The following METRNL variants were observed in gnomAD, a reference collection of about 807,000 sequenced individuals.
METRNL encodes meteorin-like protein.
In METRNL, 9 loss-of-function variants were observed where a neutral mutation model predicts 17.4. That is an observed-to-expected ratio of 0.52 (90% CI 0.31 to 0.90). The LOEUF (loss-of-function observed/expected upper bound fraction) is 0.90, where lower values mean the gene tolerates loss of function less well. Among genes scored for constraint, METRNL ranks in the 40% least tolerant of loss-of-function variants. The probability of loss-of-function intolerance (pLI) is 0.05; values close to 1 mark genes in which losing one functional copy is unlikely to be tolerated. For missense variants in METRNL, 408 were observed against 430.7 expected, an observed-to-expected ratio of 0.95 and a Z score of 0.47; for synonymous variants, 215 against 199.3, an observed-to-expected ratio of 1.08 and a Z score of -0.66.
chr17:83,091,798 A>G (rs1408617721), intron 2 of METRNL, among the ~76,000 whole-genome samples: 7 of 152,250 alleles, frequency 4.6e-5, no homozygotes. Flanking sequence ...CGGCGAAACC[A>G]GTGCCATTGA....
intron 1 of METRNL, among the ~76,000 whole-genome samples, chr17:83,080,875 C>T (rs2037978178): frequency 6.6e-6 from 1 of 150,866 alleles, no homozygotes; most frequent in East Asian, 2.0e-4. Context: ...CCCCCGCCCC[C>T]GCCCCCGCCG....
At position 83,079,757 on chromosome 17, in the gene METRNL, C is replaced by T. The variant is rs2037958924; in HGVS notation, c.-59C>T. On this transcript the variant is annotated 5_prime_UTR_variant, in exon 1 of 4. Transcript: ENST00000320095. The stretch of plus-strand genomic sequence containing the variant: ...CCCGCCCCCGCCCGGCTCGCCGGCT[C>T]CGGGGTCTGCTCCGGGGGTCGCGGA... 7 of 866,034 alleles carry T rather than the reference C, an allele frequency of 8.1e-6. No individual in the cohort carries two copies. Among genetic ancestry groups the T allele is most frequent in the Non-Finnish European group, 9.7e-6 (7 of 725,336 alleles). The allele number at this position is 866,034 out of a possible 1,614,324, so 53.6% of individuals were successfully genotyped here. A position where few individuals can be genotyped will look rare whatever the true frequency, so the allele number is the denominator to read the frequency against.
Position 83,094,666 on chromosome 17 carries a change from G to A in METRNL, c.*91G>A, listed in dbSNP as rs543563164. Reference sequence around the variant, plus strand: ...TGGGGCCGTGCGGTGAGGGCCGCGCGCTGGGAGCCGCATGCCCTGGGCCCA... The same window carrying A: ...TGGGGCCGTGCGGTGAGGGCCGCGCACTGGGAGCCGCATGCCCTGGGCCCA... On this transcript the variant is annotated 3_prime_UTR_variant, in exon 4 of 4. Coordinates refer to ENST00000320095, the MANE Select transcript of METRNL (RefSeq NM_001004431.3). The A allele has an allele frequency of 3.2e-5, 35 of 1,081,264 alleles. No homozygotes were observed. Among genetic ancestry groups the A allele is most frequent in the African/African-American group, 9.8e-5 (6 of 61,436 alleles). The allele number at this position is 1,081,264 out of a possible 1,614,324, so 67.0% of individuals were successfully genotyped here.
chr17:83,080,968 G>A (rs2037979342), intron 1 of METRNL, among the ~76,000 whole-genome samples: 1 of 151,462 alleles, frequency 6.6e-6, no homozygotes, highest in African/African-American at 2.4e-5. Flanking sequence ...GGTGGTGTCC[G>A]CGGGGCGGGC....
At chr17:83,088,887 G>C (rs2038083041) in intron 2 of METRNL, among the ~76,000 whole-genome samples, 1 of 152,192 alleles carries the variant, frequency 6.6e-6, no homozygotes, top group Admixed American at 6.5e-5. Context: ...TGGAAGTAGA[G>C]GAGAGGGGCT....
Position 83,085,043 on chromosome 17 carries a change from C to T in METRNL, c.276C>T (p.Asn92=), listed in dbSNP as rs958711375. 3 of 1,613,932 alleles carry T rather than the reference C, an allele frequency of 1.9e-6. No individual in the cohort carries two copies. The highest frequency in any genetic ancestry group is 2.5e-6 in the Non-Finnish European group (3 of 1,180,022). The change falls in exon 2 of 4, where the codon AAC becomes AAT. Residue 92 remains asparagine, a synonymous_variant. Transcript: ENST00000320095. ...ACCCAACAGGTGCTCTCATCGTTAACCTGCGGCCCAACACCTTCTCGCCTG... is the reference window on the plus strand; with the variant it reads ...ACCCAACAGGTGCTCTCATCGTTAATCTGCGGCCCAACACCTTCTCGCCTG... The part of the protein sequence containing the change: ...WMYPTGALIV[N]LRPNTFSPAR...
In METRNL at chr17:83,079,870, C is replaced by G; in HGVS notation, c.55C>G (p.Pro19Ala). 4 of 972,552 alleles carry G rather than the reference C, an allele frequency of 4.1e-6. No individual in the cohort carries two copies. Among genetic ancestry groups the G allele is most frequent in the Non-Finnish European group, 4.9e-6 (4 of 820,414 alleles). 60.2% of individuals were successfully genotyped at this position (972,552 alleles called of 1,614,324 possible). Reference protein sequence around the residue: ...WGRAGQPWPRPPAPGPPPPPL... With the variant: ...WGRAGQPWPRAPAPGPPPPPL... ...GCGCGCGGGGCAGCCGTGGCCGCGA[C>G]CCCCCGCCCCGGGCCCGCCCCCGCC... is the stretch of plus-strand genomic sequence containing the variant. Residue 19 changes from proline to alanine, a missense_variant, in exon 1 of 4, where the codon CCC (proline) becomes GCC (alanine). Pro to Ala is a conservative substitution (Grantham distance 27, BLOSUM62 -1). Transcript: ENST00000320095.
At chr17:83,093,666 C>T (rs2038167605) in intron 3 of METRNL, among the ~76,000 whole-genome samples, 1 of 152,180 alleles carries the variant, frequency 6.6e-6, no homozygotes, top group Non-Finnish European at 1.5e-5. Flanking sequence ...TGCGGCTCTG[C>T]AGGAGGAGCT....
chr17:83,093,763 C>T (rs193027424), intron 3 of METRNL, among the ~76,000 whole-genome samples: 36 of 152,184 alleles, frequency 2.4e-4, no homozygotes, highest in East Asian at 9.7e-4. Flanking sequence ...CGTGTGGTGC[C>T]GTGGAAGCCA....
At chr17:83,084,693 G>T in intron 1 of METRNL, 1 of 550,156 alleles carries the variant, frequency 1.8e-6, no homozygotes, top group East Asian at 3.1e-5. Flanking sequence ...GCTCGGCCCC[G>T]CCCCACCATG....
intron 2 of METRNL, among the ~76,000 whole-genome samples, chr17:83,088,107 C>G (rs567456140): frequency 6.6e-6 from 1 of 152,166 alleles, no homozygotes; most frequent in African/African-American, 2.4e-5. Context: ...GGGGGCCAGG[C>G]GGGAGGGGAC....
At chr17:83,092,977 C>CCGTGCTGCCGGCCCCTCCAGCA (rs2038157884) in intron 2 of METRNL, among the ~76,000 whole-genome samples, 190 bp from the exon 3 acceptor site, 1 of 152,148 alleles carries the variant, frequency 6.6e-6, no homozygotes, top group East Asian at 1.9e-4. Context: ...TTTCTGTCTC[C>CCGTGCTGCCGGCCCCTCCAGCA]CGTGCTGCCG....
chr17:83,092,493 G>A (rs2038150205), intron 2 of METRNL: 1 of 152,452 alleles, frequency 6.6e-6, no homozygotes, highest in Non-Finnish European at 1.5e-5. Context: ...GGTGGTCCCG[G>A]CGCCGTGGGC....
At chr17:83,080,572 C>G (rs1410007385) in intron 1 of METRNL, among the ~76,000 whole-genome samples, 2 of 132,010 alleles carry the variant, frequency 1.5e-5, no homozygotes, top group African/African-American at 2.7e-5. Flanking sequence ...GCGACCCCCC[C>G]CCCCCCCACC....
chr17:83,090,597 GCCCAGCCCCAGCTGC>G lies in METRNL; in HGVS notation c.557-2568_557-2554del, dbSNP rs1447693595. 4.1e-5 allele frequency among the ~76,000 whole-genome samples: 6 copies of G among 146,114 alleles called. No homozygotes were observed. The Admixed American group carries it at 4.2e-4, about 10-fold the overall frequency. On this transcript the variant is annotated intron_variant, in intron 2 of 3. Transcript: ENST00000320095. ...CCTCCTGCCTTTGCAGGACCGCCTG[GCCCAGCCCCAGCTGC>G]CATGGCTGCCCAGCCGGAGGGTGCT... is the stretch of plus-strand genomic sequence containing the variant.
In METRNL at chr17:83,094,989, T is replaced by C. The variant is rs2038187229; in HGVS notation, c.*414T>C. Reference sequence around the variant, plus strand: ...TGTGAAAAGGTGCCATTCAGAGTTGTTATTCTCATGACGGAAGTTTTGGAG... The same window carrying C: ...TGTGAAAAGGTGCCATTCAGAGTTGCTATTCTCATGACGGAAGTTTTGGAG... On this transcript the variant is annotated 3_prime_UTR_variant, in exon 4 of 4. Coordinates refer to ENST00000320095, the MANE Select transcript of METRNL (RefSeq NM_001004431.3). 1 of 191,914 alleles carries C rather than the reference T, an allele frequency of 5.2e-6. No individual in the cohort carries two copies. 11.9% of individuals were successfully genotyped at this position (191,914 alleles called of 1,614,324 possible).
rs575539983 is a variant in METRNL, at chr17:83,079,638, G to T, written c.-178G>T. The T allele has an allele frequency of 3.2e-5, 5 of 154,914 alleles. No individual in the cohort carries two copies. The highest frequency in any genetic ancestry group is 4.9e-5 in the African/African-American group (2 of 40,682). The allele number at this position is 154,914 out of a possible 1,614,324, so 9.6% of individuals were successfully genotyped here. A position where few individuals can be genotyped will look rare whatever the true frequency, so the allele number is the denominator to read the frequency against. ...GCTCGGCGGCGGCGGCGGGCGCGGAGCTCTGCGCGCGGCTCCAGCGGGCCG... is the reference window on the plus strand; with the variant it reads ...GCTCGGCGGCGGCGGCGGGCGCGGATCTCTGCGCGCGGCTCCAGCGGGCCG... On this transcript the variant is annotated 5_prime_UTR_variant, in exon 1 of 4. Transcript: ENST00000320095.
At chr17:83,080,383 G>A (rs1259860777) in intron 1 of METRNL, among the ~76,000 whole-genome samples, 1 of 150,818 alleles carries the variant, frequency 6.6e-6, no homozygotes. Flanking sequence ...GGGAAGGGAC[G>A]GCCGCGGGAG....
chr17:83,081,641 C>T (rs964438413), intron 1 of METRNL, among the ~76,000 whole-genome samples: 2 of 151,924 alleles, frequency 1.3e-5, no homozygotes, highest in African/African-American at 4.9e-5. Flanking sequence ...CAGTCCTGGC[C>T]TCAGACTCCC....
Sources: allele counts gnomAD v4.1 joint callset (sites outside exome capture counted in the v4.1 genomes callset), GRCh38; gene constraint gnomAD v4.1.1; transcripts MANE v1.5; gene names NCBI Gene and HGNC (gene_info 2026-07-23, HGNC 2026-07-21).